WDHD1: variants seen among roughly 807,000 people sequenced by gnomAD.
WDHD1 encodes the protein WD repeat and HMG-box DNA-binding protein 1.
A neutral mutation model predicts 135.4 loss-of-function variants in WDHD1; 111 were observed. That is an observed-to-expected ratio of 0.82 (90% CI 0.70 to 0.96). WDHD1 has a LOEUF of 0.96. Ranked by LOEUF, WDHD1 falls within the 40% of genes least tolerant of loss-of-function variation. The pLI is 0.00. For missense variants in WDHD1, 1,351 were observed against 1,336.3 expected, an observed-to-expected ratio of 1.01 and a Z score of -0.17; for synonymous variants, 434 against 439.0, an observed-to-expected ratio of 0.99 and a Z score of 0.14.
At chr14:54,973,265 GCTA>G (rs78273278) in intron 16 of WDHD1, among the ~76,000 whole-genome samples, 27,348 of 152,012 alleles carry the variant, frequency 0.18, 2,518 homozygotes, top group Admixed American at 0.22. Context: ...CTAAGTAGAA[GCTA>G]GACCCTAGGG....
intron 16 of WDHD1, among the ~76,000 whole-genome samples, chr14:54,973,799 T>A (rs1481018519): frequency 6.6e-6 from 1 of 152,200 alleles, no homozygotes; most frequent in Non-Finnish European, 1.5e-5. Context: ...GCTCACTTTA[T>A]TGATTTACAC....
intron 16 of WDHD1, among the ~76,000 whole-genome samples, chr14:54,975,522 A>G (rs966835827): frequency 1.3e-5 from 2 of 151,780 alleles, no homozygotes; most frequent in African/African-American, 2.4e-5. Flanking sequence ...TAATTTTTGT[A>G]TTTTTAGTAG....
intron 21 of WDHD1, among the ~76,000 whole-genome samples, chr14:54,958,228 G>A (rs2041193286): frequency 6.6e-6 from 1 of 151,738 alleles, no homozygotes; most frequent in Admixed American, 6.6e-5. Flanking sequence ...CCAGGTTCAG[G>A]CGATTCTACT....
intron 25 of WDHD1, 81 bp from the exon 26 acceptor site, chr14:54,941,771 G>T: frequency 8.0e-7 from 1 of 1,248,430 alleles, no homozygotes; most frequent in Non-Finnish European, 1.1e-6. Context: ...TACTTTTCCA[G>T]GTAATATTTT....
chr14:54,999,653 G>C (rs998853579), intron 10 of WDHD1, among the ~76,000 whole-genome samples: 3 of 152,184 alleles, frequency 2.0e-5, no homozygotes, highest in African/African-American at 4.8e-5. Flanking sequence ...CTGGAGTGCA[G>C]TGGCACAATC....
intron 21 of WDHD1, among the ~76,000 whole-genome samples, chr14:54,959,328 G>A (rs906697416): frequency 4.2e-5 from 6 of 141,222 alleles, no homozygotes; most frequent in Admixed American, 7.0e-5. Flanking sequence ...GGTCTGGGGG[G>A]TTGAGGCTGC....
At chr14:54,981,043 G>A (rs1054255541) in intron 16 of WDHD1, among the ~76,000 whole-genome samples, 3 of 152,030 alleles carry the variant, frequency 2.0e-5, no homozygotes, top group Non-Finnish European at 4.4e-5. Context: ...CCCGTGAGGC[G>A]GAGCTTGCAG....
chr14:54,972,761 G>C (rs1033186181), intron 16 of WDHD1, among the ~76,000 whole-genome samples: 2 of 151,942 alleles, frequency 1.3e-5, no homozygotes, highest in African/African-American at 4.8e-5. Flanking sequence ...ACCAGCCTGG[G>C]CAACATAGCA....
intron 25 of WDHD1, among the ~76,000 whole-genome samples, chr14:54,942,164 T>C (rs540178252): frequency 1.9e-4 from 29 of 151,938 alleles, no homozygotes; most frequent in Admixed American, 5.3e-4. Flanking sequence ...GGCAGGAGAC[T>C]AGAGTGAACC....
At chr14:54,959,916 C>A (rs1413022863) in intron 21 of WDHD1, among the ~76,000 whole-genome samples, 1 of 152,186 alleles carries the variant, frequency 6.6e-6, no homozygotes, top group Non-Finnish European at 1.5e-5. Context: ...AGAGTGCTAG[C>A]CCCTTGCGGT....
chr14:54,967,425 A>C, intron 16 of WDHD1, 31 bp from the exon 17 acceptor site: 1 of 1,512,940 alleles, frequency 6.6e-7, no homozygotes, highest in Non-Finnish European at 9.0e-7. Context: ...CATCATAAAA[A>C]TTTACTAACA....
At chr14:55,013,189 C>T (rs1235265581) in intron 3 of WDHD1, among the ~76,000 whole-genome samples, 1 of 67,680 alleles carries the variant, frequency 1.5e-5, no homozygotes, top group East Asian at 2.7e-4. Context: ...GGCAAGATCC[C>T]GTTTCAAAAA....
rs772195239 is a variant in WDHD1, at chr14:54,941,633, G to A, written c.3247C>T (p.Arg1083Ter). 4 of 1,613,650 alleles carry A rather than the reference G, an allele frequency of 2.5e-6. No homozygotes were observed. Among genetic ancestry groups the A allele is most frequent in the South Asian group, 1.1e-5 (1 of 91,034 alleles). Reference protein sequence around the residue: ...TASEGTEAKKRKRVVDESDET... With the variant: ...TASEGTEAKK ...TCACTTTCATCAACCACACGTTTTCGCTTCTTTGCTTCAGTTCCTTCACTT... is the reference window on the plus strand; with the variant it reads ...TCACTTTCATCAACCACACGTTTTCACTTCTTTGCTTCAGTTCCTTCACTT... The change falls in exon 26 of 26, where the codon CGA (arginine) becomes TGA (stop). Residue 1083 changes from arginine (R) to a stop codon, truncating the protein, a stop_gained. Coordinates refer to ENST00000360586, the MANE Select transcript of WDHD1 (RefSeq NM_007086.4). LOFTEE classifies it high-confidence loss of function.
intron 16 of WDHD1, among the ~76,000 whole-genome samples, chr14:54,971,712 C>CAAA (rs1195129802): frequency 0.014 from 580 of 42,018 alleles, 18 homozygotes; most frequent in African/African-American, 0.018. Flanking sequence ...GACTCTGCCT[C>CAAA]AAAAAAAAAA....
chr14:55,007,296 T>C lies in WDHD1; in HGVS notation c.584A>G (p.Gln195Arg), dbSNP rs2042089802. 1.9e-6 allele frequency: 3 copies of C among 1,595,406 alleles called. No homozygotes were observed. Among genetic ancestry groups the C allele is most frequent in the Non-Finnish European group, 2.6e-6 (3 of 1,175,138 alleles). Residue 195 changes from glutamine to arginine, a missense_variant, in exon 7 of 26, where the codon CAG becomes CGG. Transcript: ENST00000360586. ...NAKSICRLAW[Q>R]PKSGKLLAIP... ...ATCACTTACCTTCCCACTTTTTGGC[T>C]GCCAAGCAAGTCTGCAGATTGATTT...
At chr14:54,943,708 G>A (rs1377620961) in intron 25 of WDHD1, among the ~76,000 whole-genome samples, 3 of 152,058 alleles carry the variant, frequency 2.0e-5, no homozygotes, top group African/African-American at 4.8e-5. Context: ...TGACACTTTT[G>A]ATTTTTAACA....
intron 11 of WDHD1, among the ~76,000 whole-genome samples, chr14:54,991,679 T>G (rs1448568139): frequency 6.6e-6 from 1 of 152,198 alleles, no homozygotes; most frequent in Non-Finnish European, 1.5e-5. Flanking sequence ...TTAATTTTAT[T>G]AAATCTTGAC....
intron 16 of WDHD1, among the ~76,000 whole-genome samples, chr14:54,971,790 C>T (rs2041438358): frequency 6.8e-6 from 1 of 147,534 alleles, no homozygotes; most frequent in Non-Finnish European, 1.5e-5. Context: ...CAACAAAGAT[C>T]TGATATCCAG....
chr14:55,020,574 C>G (rs1456977554), intron 2 of WDHD1, among the ~76,000 whole-genome samples: 1 of 152,144 alleles, frequency 6.6e-6, no homozygotes, highest in Non-Finnish European at 1.5e-5. Flanking sequence ...GTGACTTCAT[C>G]CAAGTTCACA....
Sources: allele counts gnomAD v4.1 joint callset (sites outside exome capture counted in the v4.1 genomes callset), GRCh38; gene constraint gnomAD v4.1.1; transcripts MANE v1.5; gene names NCBI Gene and HGNC (gene_info 2026-07-23, HGNC 2026-07-21).